The following PPP1R9A variants were observed in gnomAD, a reference collection of about 807,000 sequenced individuals.
PPP1R9A encodes protein phosphatase 1 regulatory subunit 9A, also known as neurabin-1.
Under a neutral mutation model 141.9 loss-of-function variants are expected in PPP1R9A, and 59 were observed. The ratio of observed to expected loss-of-function variants is 0.42; its 90% confidence interval spans 0.34 to 0.52. The LOEUF is 0.52. Among genes scored for constraint, PPP1R9A ranks in the 20% least tolerant of loss-of-function variants. PPP1R9A has a pLI of 0.10. For synonymous variants in PPP1R9A, 500 were observed against 569.7 expected (o/e 0.88, Z 1.74); for missense variants, 1,444 against 1,611.9 (o/e 0.90, Z 1.78).
intron 2 of PPP1R9A, among the ~76,000 whole-genome samples, chr7:95,043,860 T>C (rs1809607540): frequency 6.6e-6 from 1 of 152,196 alleles, no homozygotes; most frequent in Non-Finnish European, 1.5e-5. Flanking sequence ...TTCCTCTTAC[T>C]GGCTACTCCA....
At chr7:95,177,011 G>A (rs1230000575) in intron 5 of PPP1R9A, among the ~76,000 whole-genome samples, 1 of 151,988 alleles carries the variant, frequency 6.6e-6, no homozygotes, top group African/African-American at 2.4e-5. Context: ...ACAAGAAACA[G>A]AAAGAACACC....
chr7:94,941,812 A>G (rs1005949142), intron 2 of PPP1R9A, among the ~76,000 whole-genome samples: 5 of 152,120 alleles, frequency 3.3e-5, no homozygotes, highest in African/African-American at 9.6e-5. Flanking sequence ...TTGGAGTCCT[A>G]TTTTTGAAAT....
chr7:94,950,674 T>C (rs1026025270), intron 2 of PPP1R9A, among the ~76,000 whole-genome samples: 2 of 152,142 alleles, frequency 1.3e-5, no homozygotes, highest in Non-Finnish European at 2.9e-5. Context: ...ATACAACTTT[T>C]GTTTAAAACA....
intron 4 of PPP1R9A, among the ~76,000 whole-genome samples, chr7:95,132,405 A>G (rs543522865): frequency 6.6e-6 from 1 of 152,168 alleles, no homozygotes; most frequent in Admixed American, 6.5e-5. Flanking sequence ...GCAATATTAG[A>G]TTTTATCTAA....
At chr7:95,109,251 C>T (rs1820117257) in intron 2 of PPP1R9A, among the ~76,000 whole-genome samples, 3 of 152,138 alleles carry the variant, frequency 2.0e-5, no homozygotes, top group Admixed American at 6.5e-5. Context: ...AATATCTTTG[C>T]CTTCACAACT....
intron 7 of PPP1R9A, among the ~76,000 whole-genome samples, chr7:95,204,746 C>G (rs569967938): frequency 2.2e-4 from 31 of 141,604 alleles, no homozygotes; most frequent in African/African-American, 7.9e-4. Context: ...CCCACACACA[C>G]CCACCACACA....
At chr7:95,007,643 C>T (rs1191188770) in intron 2 of PPP1R9A, among the ~76,000 whole-genome samples, 1 of 152,024 alleles carries the variant, frequency 6.6e-6, no homozygotes, top group Non-Finnish European at 1.5e-5. Context: ...TATGTATCAA[C>T]AAATATGTAA....
At chr7:95,073,028 C>T (rs1321444466) in intron 2 of PPP1R9A, among the ~76,000 whole-genome samples, 1 of 143,314 alleles carries the variant, frequency 7.0e-6, no homozygotes, top group East Asian at 2.0e-4. Context: ...CTCTCTTGCC[C>T]AGGCTGGAGT....
intron 2 of PPP1R9A, among the ~76,000 whole-genome samples, chr7:94,936,268 A>G (rs1794752420): frequency 6.6e-6 from 1 of 152,114 alleles, no homozygotes; most frequent in Admixed American, 6.6e-5. Flanking sequence ...AAAAGGTTCT[A>G]TTAGATGATC....
intron 17 of PPP1R9A, among the ~76,000 whole-genome samples, chr7:95,285,002 C>T (rs963838131): frequency 6.6e-6 from 1 of 152,196 alleles, no homozygotes; most frequent in Non-Finnish European, 1.5e-5. Flanking sequence ...ATCTTTTCAA[C>T]AGCTCAAAGG....
chr7:94,960,666 C>A (rs912711839), intron 2 of PPP1R9A, among the ~76,000 whole-genome samples: 1 of 151,628 alleles, frequency 6.6e-6, no homozygotes, highest in Non-Finnish European at 1.5e-5. Flanking sequence ...TTTATTTACA[C>A]ATAAGGAGAC....
rs145548302 is a variant in PPP1R9A at position 95,141,424 on chromosome 7, T to C, written c.1650-20443T>C. On this transcript the variant is annotated intron_variant, in intron 4 of 19. Coordinates refer to ENST00000433360, the MANE Select transcript of PPP1R9A (RefSeq NM_001166160.2). ...TGGTTTTGTGAATATTCAAGAGTTA[T>C]ATAACCATCACAATTCATTTTAGAA... is the stretch of plus-strand genomic sequence containing the variant. Among the ~76,000 whole-genome samples the C allele has an allele frequency of 3.9e-5, 6 of 152,342 alleles. No homozygotes were observed. In the East Asian group the frequency reaches 1.2e-3, roughly 29 times the overall value.
rs558868696 is a variant in PPP1R9A at position 95,184,383 on chromosome 7, T to A, written c.1755-13966T>A. Among the ~76,000 whole-genome samples, 8 of 152,324 alleles carry A rather than the reference T, an allele frequency of 5.3e-5. No homozygotes were observed. The South Asian group carries it at 1.7e-3, about 32-fold the overall frequency. On this transcript the variant is annotated intron_variant, in intron 5 of 19. Coordinates refer to ENST00000433360, the MANE Select transcript of PPP1R9A (RefSeq NM_001166160.2). ...ATTAAATGTACATACAATAAATATTTGTTTGAATGAAATTATTTGTTATAT... is the reference window on the plus strand; with the variant it reads ...ATTAAATGTACATACAATAAATATTAGTTTGAATGAAATTATTTGTTATAT...
chr7:95,256,522 G>A (rs1286335199), intron 12 of PPP1R9A, among the ~76,000 whole-genome samples: 1 of 151,912 alleles, frequency 6.6e-6, no homozygotes, highest in Non-Finnish European at 1.5e-5. Flanking sequence ...TATATGAAGT[G>A]GAAAAATGTT....
intron 2 of PPP1R9A, chr7:95,036,156 A>G (rs941803606): frequency 6.6e-6 from 1 of 152,214 alleles, no homozygotes; most frequent in Non-Finnish European, 1.5e-5. Context: ...ATGAATAGAC[A>G]TAGAATAGCA....
intron 5 of PPP1R9A, among the ~76,000 whole-genome samples, chr7:95,175,909 G>T (rs888456064): frequency 1.3e-5 from 2 of 151,960 alleles, no homozygotes; most frequent in Admixed American, 1.3e-4. Flanking sequence ...TTTGGAAAAG[G>T]TTAAAATACA....
At chr7:95,186,358 T>C (rs1339056896) in intron 5 of PPP1R9A, among the ~76,000 whole-genome samples, 4 of 152,186 alleles carry the variant, frequency 2.6e-5, no homozygotes, top group Admixed American at 2.6e-4. Context: ...TTTGTGTACA[T>C]TCATTTTGCA....
At chr7:94,928,299 G>A (rs1289719179) in intron 2 of PPP1R9A, among the ~76,000 whole-genome samples, 1 of 152,006 alleles carries the variant, frequency 6.6e-6, no homozygotes, top group East Asian at 1.9e-4. Flanking sequence ...GGAGGGACTT[G>A]TATACATAGG....
At chr7:95,072,126 CATAATAT>C in intron 2 of PPP1R9A, among the ~76,000 whole-genome samples, 1 of 150,518 alleles carries the variant, frequency 6.6e-6, no homozygotes, top group South Asian at 2.1e-4. Context: ...ATGTTAAATC[CATAATAT>C]ATTAACCAAA....
Sources: allele counts gnomAD v4.1 joint callset (sites outside exome capture counted in the v4.1 genomes callset), GRCh38; gene constraint gnomAD v4.1.1; transcripts MANE v1.5; gene names NCBI Gene and HGNC (gene_info 2026-07-23, HGNC 2026-07-21).